Variants in PTPRN2 observed in about 807,000 individuals in gnomAD.
PTPRN2 encodes the protein protein tyrosine phosphatase receptor type N2.
Under a neutral mutation model 118.8 loss-of-function variants are expected in PTPRN2, and 74 were observed. The ratio of observed to expected loss-of-function variants is 0.62; its 90% CI spans 0.52 to 0.76. PTPRN2 has a LOEUF of 0.76. Ranked by LOEUF, PTPRN2 falls within the 30% of genes least tolerant of loss-of-function variation. The pLI, the probability that PTPRN2 is intolerant of heterozygous loss-of-function variation, is 0.00. For missense variants in PTPRN2, 1,481 were observed against 1,394.4 expected (o/e 1.06, Z -0.99); for synonymous variants, 641 against 608.0 (o/e 1.05, Z -0.80).
At chr7:157,783,694 C>G (rs1252053226) in intron 12 of PTPRN2, among the ~76,000 whole-genome samples, 2 of 151,854 alleles carry the variant, frequency 1.3e-5, no homozygotes, top group Non-Finnish European at 2.9e-5. Context: ...GGCAGGAAGG[C>G]CTGTCCCACC....
At chr7:158,352,561 A>G (rs1359327104) in intron 2 of PTPRN2, among the ~76,000 whole-genome samples, 1 of 152,142 alleles carries the variant, frequency 6.6e-6, no homozygotes, top group Non-Finnish European at 1.5e-5. Flanking sequence ...TAAACTTCTT[A>G]TTGCCCCCTG....
In PTPRN2 at chr7:158,283,741, G is replaced by A. The variant is rs567805622; in HGVS notation, c.277+33078C>T. ...TCAGCAGTGCCGTGGCAGCCACAGAGACAGGCCACCACCACTCCTCAGGCC... is the reference window on the plus strand; with the variant it reads ...TCAGCAGTGCCGTGGCAGCCACAGAAACAGGCCACCACCACTCCTCAGGCC... On this transcript the variant is annotated intron_variant, in intron 3 of 22. Coordinates refer to ENST00000389418, the MANE Select transcript of PTPRN2 (RefSeq NM_002847.5). Among the ~76,000 whole-genome samples the A allele has an allele frequency of 2.0e-5, 3 of 152,204 alleles. No individual in the cohort carries two copies. In the South Asian group the frequency reaches 6.2e-4, roughly 32 times the overall value.
chr7:158,340,631 C>G (rs530465534), intron 2 of PTPRN2, among the ~76,000 whole-genome samples: 2 of 108,600 alleles, frequency 1.8e-5, no homozygotes, highest in African/African-American at 6.6e-5. Flanking sequence ...CACACTCACA[C>G]TCTAGCCATA....
chr7:157,872,754 C>T (rs1811185788), intron 12 of PTPRN2, among the ~76,000 whole-genome samples: 1 of 152,352 alleles, frequency 6.6e-6, no homozygotes. Context: ...GTCCACATGC[C>T]CCTCCTTGGA....
chr7:157,715,096 A>C (rs1798836446), intron 12 of PTPRN2, among the ~76,000 whole-genome samples: 1 of 152,218 alleles, frequency 6.6e-6, no homozygotes, highest in African/African-American at 2.4e-5. Flanking sequence ...TGAGCACTTG[A>C]ATCTGGTGGC....
intron 2 of PTPRN2, among the ~76,000 whole-genome samples, chr7:158,470,058 C>G (rs993410418): frequency 2.0e-5 from 3 of 152,132 alleles, no homozygotes. Flanking sequence ...GAATTGGGAG[C>G]TGGGATCTGT....
At chr7:158,217,996 G>C (rs770804302) in intron 3 of PTPRN2, among the ~76,000 whole-genome samples, 3 of 152,152 alleles carry the variant, frequency 2.0e-5, no homozygotes, top group Non-Finnish European at 4.4e-5. Context: ...GAAGGAGAGA[G>C]AGTAAGCAAC....
At chr7:158,436,266 G>T (rs1816566962) in intron 2 of PTPRN2, among the ~76,000 whole-genome samples, 1 of 152,204 alleles carries the variant, frequency 6.6e-6, no homozygotes, top group South Asian at 2.1e-4. Flanking sequence ...TTCCATGTGG[G>T]TTTACTTTCC....
chr7:158,176,532 G>A (rs949136537), intron 5 of PTPRN2, among the ~76,000 whole-genome samples: 1 of 152,174 alleles, frequency 6.6e-6, no homozygotes, highest in East Asian at 1.9e-4. Flanking sequence ...TAAGCAGGTC[G>A]GCTTCCATGG....
intron 11 of PTPRN2, among the ~76,000 whole-genome samples, chr7:158,054,941 C>T (rs1276647741): frequency 6.6e-6 from 1 of 152,250 alleles, no homozygotes; most frequent in African/African-American, 2.4e-5. Context: ...TGCCTGCTCC[C>T]CATCCTTCGT....
At chr7:158,288,950 T>C (rs1799935230) in intron 3 of PTPRN2, among the ~76,000 whole-genome samples, 1 of 152,182 alleles carries the variant, frequency 6.6e-6, no homozygotes, top group Admixed American at 6.5e-5. Context: ...AAGTACAGTA[T>C]TCTTGGTTGG....
chr7:157,549,119 C>A, intron 21 of PTPRN2, 100 bp from the exon 22 acceptor site: 1 of 1,179,910 alleles, frequency 8.5e-7, no homozygotes, highest in Non-Finnish European at 1.3e-6. Context: ...GCTGAGAGGC[C>A]AATTGAAAAT....
At chr7:158,092,193 T>G (rs1451482461) in intron 10 of PTPRN2, among the ~76,000 whole-genome samples, 1 of 150,476 alleles carries the variant, frequency 6.6e-6, no homozygotes, top group African/African-American at 2.5e-5. Flanking sequence ...CACATATACA[T>G]GTATATGTGT....
chr7:158,179,511 T>C (rs952779957), intron 5 of PTPRN2, among the ~76,000 whole-genome samples: 1 of 152,250 alleles, frequency 6.6e-6, no homozygotes, highest in African/African-American at 2.4e-5. Flanking sequence ...AATTTATTTT[T>C]GTTTTAGTTG....
At chr7:157,904,687 T>C (rs1797667649) in intron 11 of PTPRN2, among the ~76,000 whole-genome samples, 2 of 152,246 alleles carry the variant, frequency 1.3e-5, no homozygotes, top group Admixed American at 6.5e-5. Flanking sequence ...CACGCGGCCC[T>C]GTGTTCCGGC....
rs565545418 is a variant in PTPRN2 at position 158,054,129 on chromosome 7, T to C, written c.1723+27169A>G. 3.2e-4 allele frequency among the ~76,000 whole-genome samples: 49 copies of C among 151,530 alleles called. 1 individual carries two copies. Among genetic ancestry groups the C allele is most frequent in the South Asian group, 3.1e-3 (15 of 4,792 alleles). ...AGAGACCCCAGAGATGCAGAGACCC[T>C]AGAGAGCATGGGGGCCCTAGAGAGA... On this transcript the variant is annotated intron_variant, in intron 11 of 22. Coordinates refer to ENST00000389418, the MANE Select transcript of PTPRN2 (RefSeq NM_002847.5).
rs548147594 is a variant in PTPRN2 at position 158,485,241 on chromosome 7, C to T, written c.163+4494G>A. On this transcript the variant is annotated intron_variant, in intron 2 of 22. Transcript: ENST00000389418. ...TCCACCTCCCTCCAAACGGAGAGCG[C>T]GACTTGCTCCTCTTGCCCTCCTGGA... Among the ~76,000 whole-genome samples the T allele has an allele frequency of 4.1e-4, 62 of 152,236 alleles. 2 individuals carry two copies. The South Asian group carries it at 0.012, about 30-fold the overall frequency.
At chr7:158,225,891 G>A (rs1664604074) in intron 3 of PTPRN2, among the ~76,000 whole-genome samples, 1 of 137,758 alleles carries the variant, frequency 7.3e-6, no homozygotes, top group Non-Finnish European at 1.5e-5. Flanking sequence ...TGGGGAGGGA[G>A]GTGGGGGCAG....
chr7:158,081,389 A>G lies in PTPRN2; in HGVS notation c.1644-12T>C. The G allele has an allele frequency of 1.2e-6, 2 of 1,612,578 alleles. No homozygotes were observed. The highest frequency in any genetic ancestry group is 1.7e-6 in the Non-Finnish European group (2 of 1,178,582). ...CTGGTCCGAGAACCCTGGAAGGGAT[A>G]ATTTAAAATAAGTTCATAACGAAGT... On this transcript the variant is annotated splice_polypyrimidine_tract_variant and intron_variant, in intron 10 of 22. Coordinates refer to ENST00000389418, the MANE Select transcript of PTPRN2 (RefSeq NM_002847.5).
Sources: gnomAD v4.1 joint callset for allele counts (sites outside exome capture counted in the v4.1 genomes callset) on GRCh38, gnomAD v4.1.1 for gene constraint, MANE v1.5 for transcripts, NCBI Gene and HGNC (gene_info 2026-07-23, HGNC 2026-07-21) for gene names.